The following NCOA6 variants were observed in gnomAD, a reference collection of about 807,000 sequenced individuals.
NCOA6 encodes nuclear receptor coactivator 6.
Under a neutral mutation model 171.4 loss-of-function variants are expected in NCOA6, and 49 were observed. That is an observed-to-expected ratio of 0.29 (90% CI 0.23 to 0.36). The LOEUF is 0.36. Ranked by LOEUF, NCOA6 falls within the 10% of genes least tolerant of loss-of-function variation. The pLI is 1.00. For missense variants in NCOA6, 2,248 were observed against 2,554.5 expected (o/e 0.88, Z 2.59); for synonymous variants, 910 against 927.5 (o/e 0.98, Z 0.34).
chr20:34,751,375 T>G (rs2076477089), intron 8 of NCOA6, among the ~76,000 whole-genome samples: 1 of 14,198 alleles, frequency 7.0e-5, no homozygotes, highest in African/African-American at 3.9e-4. Flanking sequence ...AGACTCCGTC[T>G]CAAAAAAAAA....
At chr20:34,809,594 T>C (rs996808573) in intron 1 of NCOA6, 5 of 396,688 alleles carry the variant, frequency 1.3e-5, no homozygotes, top group African/African-American at 1.0e-4. Flanking sequence ...TAAACCCTTA[T>C]AAACCTATTC....
chr20:34,744,635 A>C (rs2076250113), intron 10 of NCOA6, among the ~76,000 whole-genome samples: 1 of 152,220 alleles, frequency 6.6e-6, no homozygotes, highest in Non-Finnish European at 1.5e-5. Flanking sequence ...GTATCAATGA[A>C]TACAATGTGT....
intron 2 of NCOA6, among the ~76,000 whole-genome samples, chr20:34,783,691 C>T (rs1462893020): frequency 1.3e-5 from 2 of 152,184 alleles, no homozygotes; most frequent in Admixed American, 6.5e-5. Flanking sequence ...TGGCACAATT[C>T]GGCTCACTGC....
chr20:34,764,141 G>A (rs2076903005), intron 5 of NCOA6, among the ~76,000 whole-genome samples: 1 of 149,814 alleles, frequency 6.7e-6, no homozygotes, highest in South Asian at 2.1e-4. Context: ...AGGCTGGAGT[G>A]CAGTGGCGCG....
rs1386802629 is a variant in NCOA6, at chr20:34,757,741, C to G, written c.1007G>C (p.Gly336Ala). Residue 336 changes from glycine (G) to alanine (A), a missense_variant, in exon 7 of 15, where the codon GGC (glycine) becomes GCC (alanine). Transcript: ENST00000359003. ...LQPPPAQGSL[G>A]TMTANQGWKK... ...CCACCCTTGGTTTGCAGTCATTGTG[C>G]CCAGAGAACCCTGGGCTGGAGGAGG... 2 of 1,613,966 alleles carry G rather than the reference C, an allele frequency of 1.2e-6. No homozygotes were observed. Among genetic ancestry groups the G allele is most frequent in the Non-Finnish European group, 1.7e-6 (2 of 1,180,012 alleles).
chr20:34,814,244 TAGG>T lies in NCOA6; in HGVS notation c.-164+11225_-164+11227del, dbSNP rs752950840. The stretch of plus-strand genomic sequence containing the variant: ...ATCCTAGCTACTCAGGAGGCTGAGG[TAGG>T]AGAACTGCTTGAACCTGGGAGGTGG... On this transcript the variant is annotated intron_variant, in intron 1 of 14. Coordinates refer to ENST00000359003, the MANE Select transcript of NCOA6 (RefSeq NM_014071.5). Among the ~76,000 whole-genome samples, 18 of 151,824 alleles carry T rather than the reference TAGG, an allele frequency of 1.2e-4. 1 individual carries two copies. The highest frequency in any genetic ancestry group is 2.1e-4 in the Non-Finnish European group (14 of 67,920).
chr20:34,721,749 G>C (rs1008090006), intron 14 of NCOA6, among the ~76,000 whole-genome samples: 2 of 152,098 alleles, frequency 1.3e-5, no homozygotes, highest in African/African-American at 4.8e-5. Flanking sequence ...CATGGCCCGG[G>C]GATTGGGGAC....
chr20:34,782,038 G>C (rs1025314023), intron 3 of NCOA6, 83 bp downstream of exon 3: 2 of 997,710 alleles, frequency 2.0e-6, no homozygotes, highest in African/African-American at 3.3e-5. Flanking sequence ...TAACAAGCTT[G>C]TTTTGTAAAA....
chr20:34,715,382 G>T lies in NCOA6; in HGVS notation c.6149-17C>A. On this transcript the variant is annotated splice_polypyrimidine_tract_variant and intron_variant, in intron 14 of 14. Transcript: ENST00000359003. The stretch of plus-strand genomic sequence containing the variant: ...TGGTTATGTCTGTGGGGGAAAGAAA[G>T]GACATGTTCAGTGGAAGTAACTCTT... 6.3e-7 allele frequency: 1 copy of T among 1,594,408 alleles called. No homozygotes were observed. The highest frequency in any genetic ancestry group is 1.1e-5 in the South Asian group (1 of 90,668).
rs753986109 is a variant in NCOA6, at chr20:34,743,286, G to A, written c.2970C>T (p.Leu990=). ...GTGGTGGGGGTGCCACATGCTGCATGAGTTGAGGAGGCATCTGCTGAAGTG... is the reference window on the plus strand; with the variant it reads ...GTGGTGGGGGTGCCACATGCTGCATAAGTTGAGGAGGCATCTGCTGAAGTG... ...QRPLQQMPPQ[L]MQHVAPPPQP... Residue 990 remains leucine, a synonymous_variant, in exon 11 of 15, where the codon CTC becomes CTT. Coordinates refer to ENST00000359003, the MANE Select transcript of NCOA6 (RefSeq NM_014071.5). 1.9e-6 allele frequency: 3 copies of A among 1,613,638 alleles called. No individual in the cohort carries two copies. The highest frequency in any genetic ancestry group is 2.5e-6 in the Non-Finnish European group (3 of 1,179,828).
Position 34,754,738 on chromosome 20 carries a change from T to C in NCOA6, c.1659A>G (p.Gln553=), listed in dbSNP as rs1455167870. 1.9e-6 allele frequency: 3 copies of C among 1,614,064 alleles called. No individual in the cohort carries two copies. The highest frequency in any genetic ancestry group is 3.3e-5 in the Admixed American group (2 of 60,000). ...AAAACAAACCTGCATGCTGGACATTTTGATTTGCTTGCAGCTGAGGGGCTC... is the reference window on the plus strand; with the variant it reads ...AAAACAAACCTGCATGCTGGACATTCTGATTTGCTTGCAGCTGAGGGGCTC... ...NSGAPQLQAN[Q]NVQHAGGQGA... is the part of the protein sequence containing the mutation. Residue 553 remains glutamine, a synonymous_variant, in exon 8 of 15, where the codon CAA becomes CAG. Transcript: ENST00000359003.
intron 3 of NCOA6, among the ~76,000 whole-genome samples, chr20:34,779,422 G>A (rs2077451638): frequency 6.6e-6 from 1 of 152,182 alleles, no homozygotes; most frequent in Non-Finnish European, 1.5e-5. Context: ...GCTGAGGTGG[G>A]AGAATTGCTT....
intron 14 of NCOA6, among the ~76,000 whole-genome samples, chr20:34,716,894 G>A (rs979760639): frequency 3.3e-5 from 5 of 151,960 alleles, no homozygotes; most frequent in African/African-American, 1.2e-4. Flanking sequence ...TTCATATTCT[G>A]GTTTTAATAT....
Position 34,746,792 on chromosome 20 carries a change from C to A in NCOA6, c.2914+15G>T, listed in dbSNP as rs370482629. On this transcript the variant is annotated intron_variant, in intron 10 of 14. Coordinates refer to ENST00000359003, the MANE Select transcript of NCOA6 (RefSeq NM_014071.5). The stretch of plus-strand genomic sequence containing the variant: ...CACATGTAATAAGTATATAATCTAG[C>A]TAACATTTTATCACCTGGTGGCCGG... The A allele has an allele frequency of 3.1e-6, 5 of 1,601,698 alleles. No individual in the cohort carries two copies. In the African/African-American group the frequency reaches 6.7e-5, roughly 22 times the overall value.
intron 3 of NCOA6, among the ~76,000 whole-genome samples, chr20:34,781,816 G>A (rs1269002708): frequency 1.3e-5 from 2 of 152,228 alleles, no homozygotes; most frequent in East Asian, 1.9e-4. Context: ...TCAATTTACA[G>A]GTAAGGAAAA....
chr20:34,754,322 A>ATGCT (rs2076581083), intron 8 of NCOA6, among the ~76,000 whole-genome samples: 1 of 152,194 alleles, frequency 6.6e-6, no homozygotes, highest in Non-Finnish European at 1.5e-5. Context: ...CTGGTCTGTA[A>ATGCT]ATAAACAAGT....
intron 9 of NCOA6, 78 bp from the exon 10 acceptor site, chr20:34,747,006 T>C: frequency 2.3e-6 from 3 of 1,307,890 alleles, no homozygotes; most frequent in Non-Finnish European, 3.0e-6. Flanking sequence ...AGCTTAACCC[T>C]TCCCCTATTT....
intron 1 of NCOA6, among the ~76,000 whole-genome samples, chr20:34,817,915 T>C (rs779061813): frequency 1.3e-5 from 2 of 152,150 alleles, no homozygotes; most frequent in Non-Finnish European, 1.5e-5. Flanking sequence ...TCCCACTACC[T>C]AGTCAATCAA....
chr20:34,732,635 CT>C, intron 12 of NCOA6, 40 bp from the exon 13 acceptor site: 1 of 1,578,576 alleles, frequency 6.3e-7, no homozygotes, highest in Non-Finnish European at 8.7e-7. Flanking sequence ...AATGTGGGAG[CT>C]GCCACAGAGA....
Sources: gnomAD v4.1 joint callset for allele counts (sites outside exome capture counted in the v4.1 genomes callset) on GRCh38, gnomAD v4.1.1 for gene constraint, MANE v1.5 for transcripts, NCBI Gene and HGNC (gene_info 2026-07-23, HGNC 2026-07-21) for gene names.